The following MLLT10 variants were observed in gnomAD, a reference collection of about 807,000 sequenced individuals.
MLLT10 encodes MLLT10 histone lysine methyltransferase DOT1L cofactor.
MLLT10 carries 30 observed loss-of-function variants against 129.1 expected under a neutral mutation model. The observed-to-expected ratio is 0.23, with a 90% CI of 0.17 to 0.32. The LOEUF is 0.32. MLLT10 is among the 10% of genes least tolerant of loss of function. The pLI, the probability that MLLT10 is intolerant of heterozygous loss-of-function variation, is 1.00. For missense variants in MLLT10, 1,119 were observed against 1,268.3 expected (o/e 0.88, Z 1.79); for synonymous variants, 490 against 446.4 (o/e 1.10, Z -1.23).
At chr10:21,725,773 C>T (rs1356196674) in intron 14 of MLLT10, among the ~76,000 whole-genome samples, 4 of 133,194 alleles carry the variant, frequency 3.0e-5, no homozygotes, top group Non-Finnish European at 4.7e-5. Context: ...TTTTTTGAGA[C>T]GGAGTCTCGC....
At chr10:21,605,701 C>G (rs2043993131) in intron 5 of MLLT10, among the ~76,000 whole-genome samples, 1 of 152,092 alleles carries the variant, frequency 6.6e-6, no homozygotes, top group Admixed American at 6.5e-5. Flanking sequence ...TCCCAAAGTG[C>G]TGGGAACTAC....
chr10:21,556,947 T>G, intron 3 of MLLT10: 1 of 1,543,968 alleles, frequency 6.5e-7, no homozygotes, highest in Non-Finnish European at 8.7e-7. Flanking sequence ...TGGTAGTGTT[T>G]AAGTGGAATT....
At chr10:21,613,975 C>G (rs1051792440) in intron 6 of MLLT10, among the ~76,000 whole-genome samples, 1 of 151,502 alleles carries the variant, frequency 6.6e-6, no homozygotes, top group Non-Finnish European at 1.5e-5. Flanking sequence ...AATCCCAGCA[C>G]TTTAGGAGGC....
At chr10:21,547,538 T>C (rs569017142) in intron 3 of MLLT10, among the ~76,000 whole-genome samples, 1 of 152,042 alleles carries the variant, frequency 6.6e-6, no homozygotes, top group South Asian at 2.1e-4. Context: ...TTTTTTTTTT[T>C]TGGTGATAGA....
intron 14 of MLLT10, among the ~76,000 whole-genome samples, chr10:21,719,383 T>C (rs1311830794): frequency 6.6e-6 from 1 of 152,206 alleles, no homozygotes; most frequent in Non-Finnish European, 1.5e-5. Flanking sequence ...TTCATAACCT[T>C]GGTAACATCT....
chr10:21,560,587 TACC>T (rs1263634817), intron 3 of MLLT10, among the ~76,000 whole-genome samples: 5 of 151,718 alleles, frequency 3.3e-5, no homozygotes, highest in South Asian at 2.1e-4. Flanking sequence ...AGGCACGTAC[TACC>T]ACCACCACCA....
In MLLT10 at chr10:21,670,568, AGAT is replaced by A. The variant is rs766959202; in HGVS notation, c.917_919del (p.Asp306del). ...TCTCTGCACACACCTCTAGTGGAAA[AGAT>A]GTTTCAGAGACTAGAGGGTCAGAGG... is the stretch of plus-strand genomic sequence containing the variant. On this transcript the variant is annotated inframe_deletion, in exon 10 of 23. Transcript: ENST00000307729. The A allele has an allele frequency of 6.2e-7, 1 of 1,614,176 alleles. No homozygotes were observed. The highest frequency in any genetic ancestry group is 1.1e-5 in the South Asian group (1 of 91,082).
At position 21,612,504 on chromosome 10, in the gene MLLT10, A is replaced by G. The variant is rs543032026; in HGVS notation, c.509+53A>G. The G allele has an allele frequency of 3.0e-5, 34 of 1,129,000 alleles. No homozygotes were observed. The African/African-American group carries it at 4.7e-4, about 16-fold the overall frequency. 69.9% of individuals were successfully genotyped at this position (1,129,000 alleles called of 1,614,324 possible). ...ACTGAACTTGGTAAATACCTTGTGT[A>G]ACAATCATAAGTTAAAGACTTAGAT... On this transcript the variant is annotated intron_variant, in intron 6 of 22. Transcript: ENST00000307729.
chr10:21,534,848 A>C (rs747566964), intron 2 of MLLT10, 44 bp downstream of exon 2: 3 of 1,462,082 alleles, frequency 2.1e-6, no homozygotes, highest in Non-Finnish European at 2.7e-6. Context: ...CCTGCGCCCA[A>C]CGGTCACCGC....
chr10:21,652,695 C>A (rs767762971), intron 9 of MLLT10, among the ~76,000 whole-genome samples: 1 of 152,134 alleles, frequency 6.6e-6, no homozygotes, highest in Non-Finnish European at 1.5e-5. Context: ...GAAAAGTGAG[C>A]TACTGGAGGT....
intron 9 of MLLT10, among the ~76,000 whole-genome samples, chr10:21,665,313 G>A (rs1041696848): frequency 4.8e-5 from 6 of 126,100 alleles, no homozygotes; most frequent in African/African-American, 1.2e-4. Context: ...GGGGGGGGGG[G>A]GTTTCACTCT....
chr10:21,707,246 G>A (rs1181795317), intron 13 of MLLT10, among the ~76,000 whole-genome samples: 1 of 144,812 alleles, frequency 6.9e-6, no homozygotes, highest in Admixed American at 7.0e-5. Flanking sequence ...AGGCTGGAGT[G>A]CAGTGGCGCG....
intron 13 of MLLT10, among the ~76,000 whole-genome samples, chr10:21,692,326 A>G (rs559996554): frequency 5.0e-4 from 76 of 150,754 alleles, no homozygotes; most frequent in Admixed American, 1.5e-3. Context: ...TGGTTATATT[A>G]TTATTATTAT....
At chr10:21,693,254 G>A (rs905358391) in intron 13 of MLLT10, among the ~76,000 whole-genome samples, 4 of 152,016 alleles carry the variant, frequency 2.6e-5, no homozygotes, top group Non-Finnish European at 5.9e-5. Context: ...GCTTTGCAAT[G>A]TTAATATACT....
intron 9 of MLLT10, among the ~76,000 whole-genome samples, chr10:21,663,250 T>C (rs942064464): frequency 6.6e-6 from 1 of 152,198 alleles, no homozygotes; most frequent in African/African-American, 2.4e-5. Flanking sequence ...TTGTTCACAC[T>C]GTGCCTCCAG....
chr10:21,603,680 A>C (rs1274026994), intron 5 of MLLT10, among the ~76,000 whole-genome samples: 1 of 152,154 alleles, frequency 6.6e-6, no homozygotes, highest in East Asian at 1.9e-4. Flanking sequence ...GAAGCAGCAG[A>C]AATTTCTTCT....
chr10:21,711,802 A>G (rs1654457206), intron 13 of MLLT10, among the ~76,000 whole-genome samples: 2 of 152,200 alleles, frequency 1.3e-5, no homozygotes. Context: ...CATCTCTTCC[A>G]GTAAGTTTTT....
chr10:21,613,996 G>T (rs2131200563), intron 6 of MLLT10, among the ~76,000 whole-genome samples: 1 of 152,044 alleles, frequency 6.6e-6, no homozygotes, highest in East Asian at 1.9e-4. Context: ...CAAGGTGGGA[G>T]GATCGCTTGA....
chr10:21,584,807 T>C lies in MLLT10; in HGVS notation c.241-1487T>C, dbSNP rs141803561. 7.4e-4 allele frequency among the ~76,000 whole-genome samples: 112 copies of C among 152,024 alleles called. 2 individuals are homozygous for C. In the East Asian group the frequency reaches 0.021, roughly 29 times the overall value. On this transcript the variant is annotated intron_variant, in intron 3 of 22. Coordinates refer to ENST00000307729, the MANE Select transcript of MLLT10 (RefSeq NM_001195626.3). Reference sequence around the variant, plus strand: ...TGTGTATATATATATAATGTGTGTGTTTATATACACATACATATGTATGTA... The same window carrying C: ...TGTGTATATATATATAATGTGTGTGCTTATATACACATACATATGTATGTA...
Sources: gnomAD v4.1 joint callset for allele counts (sites outside exome capture counted in the v4.1 genomes callset) on GRCh38, gnomAD v4.1.1 for gene constraint, MANE v1.5 for transcripts, NCBI Gene and HGNC (gene_info 2026-07-23, HGNC 2026-07-21) for gene names.